Variants in GREB1L observed in about 807,000 individuals in gnomAD.
GREB1L encodes GREB1-like protein.
In GREB1L, 17 loss-of-function variants were observed where a neutral mutation model predicts 200.8. The observed-to-expected ratio is 0.08, with a 90% CI of 0.06 to 0.13. GREB1L has a LOEUF of 0.13. GREB1L is among the 10% of genes least tolerant of loss of function. The probability of loss-of-function intolerance (pLI) is 1.00; values close to 1 mark genes in which losing one functional copy is unlikely to be tolerated. For synonymous variants in GREB1L, 789 were observed against 893.0 expected (o/e 0.88, Z 2.08); for missense variants, 1,657 against 2,367.7 (o/e 0.70, Z 6.23).
At chr18:21,424,748 C>T (rs899255651) in intron 7 of GREB1L, among the ~76,000 whole-genome samples, 27 of 152,174 alleles carry the variant, frequency 1.8e-4, no homozygotes, top group African/African-American at 5.5e-4. Context: ...CAATCGTCAC[C>T]GCAGTAAATT....
intron 15 of GREB1L, chr18:21,454,981 C>T (rs1365235034): frequency 5.1e-6 from 1 of 194,864 alleles, no homozygotes; most frequent in African/African-American, 2.4e-5. Context: ...CGTCTGGGAC[C>T]TGGAAACCAG....
intron 31 of GREB1L, among the ~76,000 whole-genome samples, chr18:21,520,373 G>A (rs1262676321): frequency 6.6e-6 from 1 of 152,064 alleles, no homozygotes; most frequent in African/African-American, 2.4e-5. Flanking sequence ...GCTTTTTTGT[G>A]GAAGGTAGTT....
intron 1 of GREB1L, among the ~76,000 whole-genome samples, chr18:21,359,640 A>G (rs1282982490): frequency 6.6e-6 from 1 of 152,192 alleles, no homozygotes; most frequent in African/African-American, 2.4e-5. Flanking sequence ...TCTCATCTCC[A>G]TTCAGTTCTC....
chr18:21,356,229 C>A (rs1301353344), intron 1 of GREB1L, among the ~76,000 whole-genome samples: 3 of 151,896 alleles, frequency 2.0e-5, no homozygotes, highest in East Asian at 3.9e-4. Context: ...GTGAGCTGCC[C>A]ACCTCAGCCT....
At chr18:21,353,551 AT>A (rs2039464627) in intron 1 of GREB1L, among the ~76,000 whole-genome samples, 1 of 152,058 alleles carries the variant, frequency 6.6e-6, no homozygotes, top group Non-Finnish European at 1.5e-5. Flanking sequence ...CAGATGTTTT[AT>A]ATTTTCACTA....
At chr18:21,404,614 G>A (rs142443978) in intron 7 of GREB1L, among the ~76,000 whole-genome samples, 1 of 152,314 alleles carries the variant, frequency 6.6e-6, no homozygotes, top group East Asian at 1.9e-4. Context: ...AATTCCTCCA[G>A]TATAGAGCAC....
intron 15 of GREB1L, among the ~76,000 whole-genome samples, chr18:21,469,627 T>C (rs1225552883): frequency 6.6e-6 from 1 of 152,216 alleles, no homozygotes; most frequent in Admixed American, 6.5e-5. Flanking sequence ...CTAAGTCCAC[T>C]CAGCAGACAG....
intron 1 of GREB1L, among the ~76,000 whole-genome samples, chr18:21,270,346 C>T (rs1350314170): frequency 6.6e-6 from 1 of 152,142 alleles, no homozygotes; most frequent in Non-Finnish European, 1.5e-5. Flanking sequence ...AAACATGGGC[C>T]TTAATCCTTG....
intron 1 of GREB1L, among the ~76,000 whole-genome samples, chr18:21,270,698 A>T (rs1262589719): frequency 1.3e-5 from 2 of 152,202 alleles, no homozygotes; most frequent in Admixed American, 6.5e-5. Context: ...AACCTTAATT[A>T]TTCTTTAGTT....
intron 15 of GREB1L, 57 bp from the exon 16 acceptor site, chr18:21,472,972 CTG>C (rs1052326341): frequency 2.9e-3 from 3,269 of 1,122,508 alleles, no homozygotes; most frequent in South Asian, 5.1e-3. Context: ...AGTCTATCTC[CTG>C]TGTGTGTGTG....
At position 21,523,604 on chromosome 18, in the gene GREB1L, T is replaced by C. The variant is rs539436745; in HGVS notation, c.*783T>C. 1 of 152,352 alleles carries C rather than the reference T, an allele frequency of 6.6e-6. No homozygotes were observed. Among genetic ancestry groups the C allele is most frequent in the South Asian group, 2.1e-4 (1 of 4,828 alleles). The allele number at this position is 152,352 out of a possible 1,614,324, so 9.4% of individuals were successfully genotyped here. The stretch of plus-strand genomic sequence containing the variant: ...AGACTATGGAACAGTGATTAATCTT[T>C]TGCAAGAACTTAAGTCAGTTAAGAA... On this transcript the variant is annotated 3_prime_UTR_variant, in exon 33 of 33. Transcript: ENST00000424526.
intron 1 of GREB1L, among the ~76,000 whole-genome samples, chr18:21,318,839 G>A (rs2045434311): frequency 6.6e-6 from 1 of 152,120 alleles, no homozygotes; most frequent in South Asian, 2.1e-4. Context: ...GTGAAGATCT[G>A]AAAGGAGGAC....
intron 1 of GREB1L, among the ~76,000 whole-genome samples, chr18:21,336,603 A>C (rs2039189207): frequency 6.6e-6 from 1 of 152,178 alleles, no homozygotes; most frequent in African/African-American, 2.4e-5. Context: ...AAGCACATAA[A>C]TTCTGCTGGG....
In GREB1L at chr18:21,323,751, T is replaced by A. The variant is rs184753657; in HGVS notation, c.-119-42276T>A. On this transcript the variant is annotated intron_variant, in intron 1 of 32. Transcript: ENST00000424526. ...CATAGCAAGACCCCATCTCTAAAAA[T>A]TTTTTTTTTAAATCAAAGTTCTGAA... Among the ~76,000 whole-genome samples, 1,127 of 151,196 alleles carry A rather than the reference T, an allele frequency of 7.5e-3. 16 individuals are homozygous for A. The highest frequency in any genetic ancestry group is 0.026 in the African/African-American group (1,055 of 41,190).
chr18:21,505,016 G>A (rs953174800), intron 23 of GREB1L, among the ~76,000 whole-genome samples: 8 of 152,142 alleles, frequency 5.3e-5, no homozygotes, highest in Admixed American at 3.3e-4. Context: ...TGATTGTAAC[G>A]TGCGGAAGAC....
chr18:21,516,881 T>G (rs921004579), intron 30 of GREB1L, 127 bp downstream of exon 30: 2 of 871,414 alleles, frequency 2.3e-6, no homozygotes, highest in Non-Finnish European at 3.4e-6. Flanking sequence ...AAGGGAGTTT[T>G]TTTTTTTTTT....
In GREB1L at chr18:21,496,520, G is replaced by A; in HGVS notation, c.3213G>A (p.Gln1071=). 1 of 1,551,746 alleles carries A rather than the reference G, an allele frequency of 6.4e-7. No homozygotes were observed. The highest frequency in any genetic ancestry group is 8.7e-7 in the Non-Finnish European group (1 of 1,147,002). The change falls in exon 21 of 33, where the codon CAG becomes CAA. Residue 1071 remains glutamine (Q), a synonymous_variant. Transcript: ENST00000424526. Reference sequence around the variant, plus strand: ...ATTTAACTCGCACGGCCTTGGAGCAGGAGGTGGGTCTGGCATGCTGCTATG... The same window carrying A: ...ATTTAACTCGCACGGCCTTGGAGCAAGAGGTGGGTCTGGCATGCTGCTATG... The part of the protein sequence containing the change: ...SSYLTRTALE[Q]EVGLACCYVS...
At chr18:21,302,906 A>G (rs2038641477) in intron 1 of GREB1L, among the ~76,000 whole-genome samples, 2 of 152,100 alleles carry the variant, frequency 1.3e-5, no homozygotes, top group Non-Finnish European at 2.9e-5. Context: ...TATTTTTAGT[A>G]GAGACGGGGT....
intron 1 of GREB1L, among the ~76,000 whole-genome samples, chr18:21,340,020 T>G (rs1465106320): frequency 1.3e-5 from 2 of 152,192 alleles, no homozygotes; most frequent in Admixed American, 1.3e-4. Flanking sequence ...GCTTCTAAGA[T>G]CCCTCCTGGC....
Sources: allele counts gnomAD v4.1 joint callset (sites outside exome capture counted in the v4.1 genomes callset), GRCh38; gene constraint gnomAD v4.1.1; transcripts MANE v1.5; gene names NCBI Gene and HGNC (gene_info 2026-07-23, HGNC 2026-07-21).